Variants in SUMO3 observed in about 807,000 individuals in gnomAD.
SUMO3 encodes small ubiquitin like modifier 3.
In SUMO3, 2 loss-of-function variants were observed where a neutral mutation model predicts 11.1. That is an observed-to-expected ratio of 0.18 (90% CI 0.07 to 0.57). The LOEUF is 0.57. SUMO3 is among the 20% of genes least tolerant of loss of function. The probability of loss-of-function intolerance (pLI) is 0.92; values close to 1 mark genes in which losing one functional copy is unlikely to be tolerated. For synonymous variants in SUMO3, 56 were observed against 53.5 expected (o/e 1.05, Z -0.20); for missense variants, 70 against 132.8 (o/e 0.53, Z 2.32).
At position 44,806,864 on chromosome 21, in the gene SUMO3, C is replaced by G; in HGVS notation, c.*87G>C. 1.3e-6 allele frequency: 2 copies of G among 1,561,278 alleles called. No individual in the cohort carries two copies. The highest frequency in any genetic ancestry group is 1.7e-6 in the Non-Finnish European group (2 of 1,148,294). The stretch of plus-strand genomic sequence containing the variant: ...ATCGTGGTGAATGTCCTCGAGTTTC[C>G]GCAGACACCTTTGTGGTCGGCATGG... On this transcript the variant is annotated 3_prime_UTR_variant, in exon 4 of 4. Transcript: ENST00000332859.
At chr21:44,816,639 G>A (rs899846671) in intron 1 of SUMO3, among the ~76,000 whole-genome samples, 11 of 152,198 alleles carry the variant, frequency 7.2e-5, no homozygotes, top group Non-Finnish European at 2.9e-5. Flanking sequence ...GCTTCGGAAA[G>A]GTTCTCTTTT....
At chr21:44,809,557 C>T (rs1190685061) in intron 2 of SUMO3, among the ~76,000 whole-genome samples, 1 of 152,176 alleles carries the variant, frequency 6.6e-6, no homozygotes, top group Non-Finnish European at 1.5e-5. Flanking sequence ...ATTCAAACAC[C>T]AGAACACAAG....
At chr21:44,815,642 C>T (rs1414974758) in intron 1 of SUMO3, among the ~76,000 whole-genome samples, 2 of 152,186 alleles carry the variant, frequency 1.3e-5, no homozygotes, top group Non-Finnish European at 2.9e-5. Context: ...GATGCACTGG[C>T]TTCTTTAGGG....
rs1406745195 is a variant in SUMO3, at chr21:44,811,433, G to A, written c.151-2315C>T. ...CACAAAATAAAAAAATGAGCCAGGC[G>A]TGGTGGCGTGTACCTGGAGTCCCAC... On this transcript the variant is annotated intron_variant, in intron 2 of 3. Transcript: ENST00000332859. The surrounding 1 kb of genome is among the most constrained non-coding windows in gnomAD (Gnocchi z 5.0). Among the ~76,000 whole-genome samples, 2 of 152,110 alleles carry A rather than the reference G, an allele frequency of 1.3e-5. No homozygotes were observed. Among genetic ancestry groups the A allele is most frequent in the African/African-American group, 2.4e-5 (1 of 41,494 alleles).
chr21:44,809,030 C>T lies in SUMO3; in HGVS notation c.222+17G>A, dbSNP rs564735586. On this transcript the variant is annotated intron_variant, in intron 3 of 3. Coordinates refer to ENST00000332859, the MANE Select transcript of SUMO3 (RefSeq NM_006936.3). Reference sequence around the variant, plus strand: ...AATCGGAAGTCGCCCTGGAACCACGCGAAGCCAGCTCCGTACCTGTGCTGG... The same window carrying T: ...AATCGGAAGTCGCCCTGGAACCACGTGAAGCCAGCTCCGTACCTGTGCTGG... 39 of 1,613,230 alleles carry T rather than the reference C, an allele frequency of 2.4e-5. No individual in the cohort carries two copies. The East Asian group carries it at 7.4e-4, about 30-fold the overall frequency.
At chr21:44,808,770 G>A (rs946823953) in intron 3 of SUMO3, among the ~76,000 whole-genome samples, 1 of 152,176 alleles carries the variant, frequency 6.6e-6, no homozygotes, top group African/African-American at 2.4e-5. Flanking sequence ...AGTGGGAAGG[G>A]GCCGCTGAGT....
At position 44,806,276 on chromosome 21, in the gene SUMO3, G is replaced by C. The variant is rs1024441146; in HGVS notation, c.*675C>G. On this transcript the variant is annotated 3_prime_UTR_variant, in exon 4 of 4. Transcript: ENST00000332859. ...GAGCAGGGAGTGGGGTGGGAGGGGT[G>C]GCAGGGGGGTGGGTCCTGGGCCTCA... 7.9e-5 allele frequency: 12 copies of C among 152,054 alleles called. No homozygotes were observed. Among genetic ancestry groups the C allele is most frequent in the African/African-American group, 2.9e-4 (12 of 41,464 alleles). 9.4% of individuals were successfully genotyped at this position (152,054 alleles called of 1,614,324 possible). A position where few individuals can be genotyped will look rare whatever the true frequency, so the allele number is the denominator to read the frequency against.
rs1020871777 is a variant in SUMO3, at chr21:44,811,465, G to A, written c.151-2347C>T. Among the ~76,000 whole-genome samples the A allele has an allele frequency of 8.6e-5, 13 of 151,968 alleles. No homozygotes were observed. Among genetic ancestry groups the A allele is most frequent in the African/African-American group, 2.9e-4 (12 of 41,350 alleles). On this transcript the variant is annotated intron_variant, in intron 2 of 3. Coordinates refer to ENST00000332859, the MANE Select transcript of SUMO3 (RefSeq NM_006936.3). The surrounding 1 kb of genome is among the most constrained non-coding windows in gnomAD (Gnocchi z 5.0). ...CGTGTACCTGGAGTCCCACCTACTCGGGAGGCTGAGGTGGGAGGATCACTT... is the reference window on the plus strand; with the variant it reads ...CGTGTACCTGGAGTCCCACCTACTCAGGAGGCTGAGGTGGGAGGATCACTT...
At chr21:44,813,663 C>G in intron 2 of SUMO3, 1 of 739,332 alleles carries the variant, frequency 1.4e-6, no homozygotes, top group African/African-American at 1.8e-5. Flanking sequence ...CAAGAGCCTT[C>G]AGCATCACAG....
At chr21:44,808,461 G>A in intron 3 of SUMO3, 1 of 1,426,758 alleles carries the variant, frequency 7.0e-7, no homozygotes, top group South Asian at 1.4e-5. Flanking sequence ...TGCACAGTGA[G>A]CTGAGACTGC....
rs760412958 is a variant in SUMO3, at chr21:44,810,906, ACACACATGCCCACACC to A, written c.151-1804_151-1789del. Among the ~76,000 whole-genome samples, 22 of 152,026 alleles carry A rather than the reference ACACACATGCCCACACC, an allele frequency of 1.4e-4. No homozygotes were observed. The highest frequency in any genetic ancestry group is 4.2e-4 in the South Asian group (2 of 4,814). ...GCAGGAGAACACTCCCAACACAGGC[ACACACATGCCCACACC>A]CACACATGCCCACACCCACACACAT... On this transcript the variant is annotated intron_variant, in intron 2 of 3. Coordinates refer to ENST00000332859, the MANE Select transcript of SUMO3 (RefSeq NM_006936.3). The surrounding 1 kb of genome is among the most constrained non-coding windows in gnomAD (Gnocchi z 4.1).
chr21:44,808,967 T>G (rs1394284312), intron 3 of SUMO3, 80 bp downstream of exon 3: 1 of 1,196,054 alleles, frequency 8.4e-7, no homozygotes, highest in South Asian at 1.2e-5. Context: ...CCTACAATTC[T>G]CAAATAAGCG....
intron 2 of SUMO3, among the ~76,000 whole-genome samples, chr21:44,812,821 G>A (rs906454078): frequency 6.6e-6 from 1 of 152,230 alleles, no homozygotes; most frequent in South Asian, 2.1e-4. Context: ...GAGAACATGG[G>A]CACCCGGGAA....
rs1298652354 is a variant in SUMO3, at chr21:44,807,819, C to A, written c.223-779G>T. 2.0e-5 allele frequency among the ~76,000 whole-genome samples: 3 copies of A among 152,292 alleles called. No homozygotes were observed. The highest frequency in any genetic ancestry group is 4.4e-5 in the Non-Finnish European group (3 of 68,014). ...TGCCTCTCGGTCCACCTGTCCACAG[C>A]CAGCCCCCTGACCCCCAGTCAAGCC... On this transcript the variant is annotated intron_variant, in intron 3 of 3. Transcript: ENST00000332859. This position sits in a 1 kb window ranked among gnomAD's most constrained non-coding sequence, Gnocchi z 4.3.
chr21:44,814,169 A>G, intron 1 of SUMO3, 65 bp from the exon 2 acceptor site: 1 of 1,584,262 alleles, frequency 6.3e-7, no homozygotes, highest in African/African-American at 1.3e-5. Context: ...TTGAATGGGC[A>G]AGTCTTTAGG....
chr21:44,813,973 C>T lies in SUMO3; in HGVS notation c.150+3G>A. 1.2e-6 allele frequency: 2 copies of T among 1,610,528 alleles called. No homozygotes were observed. Among genetic ancestry groups the T allele is most frequent in the Non-Finnish European group, 1.7e-6 (2 of 1,179,940 alleles). The stretch of plus-strand genomic sequence containing the variant: ...GGCTCTGCGGGGGAGCAAGGTGCCG[C>T]ACCTGCCTCTCGCAGTAGGCCTTCA... On this transcript the variant is annotated splice_donor_region_variant and intron_variant, in intron 2 of 3. Transcript: ENST00000332859.
intron 2 of SUMO3, among the ~76,000 whole-genome samples, chr21:44,809,539 C>T (rs1401382148): frequency 1.3e-5 from 2 of 152,188 alleles, no homozygotes; most frequent in Non-Finnish European, 2.9e-5. Flanking sequence ...GAAGGAAAGC[C>T]GACTTACATT....
chr21:44,807,133 C>CATG lies in SUMO3; in HGVS notation c.223-94_223-93insCAT. 6.8e-7 allele frequency: 1 copy of CATG among 1,473,242 alleles called. No individual in the cohort carries two copies. The highest frequency in any genetic ancestry group is 9.2e-7 in the Non-Finnish European group (1 of 1,081,170). 91.3% of individuals were successfully genotyped at this position (1,473,242 alleles called of 1,614,324 possible). ...GAAGATCCTCACTGGCATGAGTGTT[C>CATG]CCTGACACTAGCGACATCACCTGGT... On this transcript the variant is annotated intron_variant, in intron 3 of 3. Coordinates refer to ENST00000332859, the MANE Select transcript of SUMO3 (RefSeq NM_006936.3). This position sits in a 1 kb window ranked among gnomAD's most constrained non-coding sequence, Gnocchi z 4.3.
At chr21:44,816,010 G>A (rs964119669) in intron 1 of SUMO3, among the ~76,000 whole-genome samples, 3 of 152,058 alleles carry the variant, frequency 2.0e-5, no homozygotes, top group Non-Finnish European at 2.9e-5. Context: ...CTTCCCCTTC[G>A]TCAGAGCCCC....
Sources: gnomAD v4.1 joint callset for allele counts (sites outside exome capture counted in the v4.1 genomes callset) on GRCh38, gnomAD v4.1.1 for gene constraint, Gnocchi (gnomAD v3.1) non-coding constraint, MANE v1.5 for transcripts, NCBI Gene and HGNC (gene_info 2026-07-23, HGNC 2026-07-21) for gene names.